DMD: variants seen among roughly 807,000 people sequenced by gnomAD.
DMD encodes dystrophin.
DMD carries 63 observed loss-of-function variants against 330.1 expected under a neutral mutation model. The ratio of observed to expected loss-of-function variants is 0.19; its 90% confidence interval spans 0.16 to 0.24. The LOEUF is 0.24. Ranked by LOEUF, DMD falls within the 10% of genes least tolerant of loss-of-function variation. DMD has a pLI of 1.00. For missense variants in DMD, 3,344 were observed against 2,684.1 expected, an observed-to-expected ratio of 1.25 and a Z score of -5.43; for synonymous variants, 1,223 against 959.8, an observed-to-expected ratio of 1.27 and a Z score of -5.07.
intron 52 of DMD, among the ~76,000 whole-genome samples, chrX:31,687,722 GC>G (rs2082783117): frequency 2.7e-5 from 3 of 112,059 alleles, no homozygotes; most frequent in African/African-American, 6.5e-5. Flanking sequence ...TATGCCCGGG[GC>G]CTAAGATTTC....
intron 50 of DMD, among the ~76,000 whole-genome samples, chrX:31,810,364 G>A (rs767940045): frequency 8.1e-5 from 9 of 111,643 alleles, no homozygotes; most frequent in Non-Finnish European, 1.7e-4. Context: ...AAAGTGGGAA[G>A]GAGATTAAAT....
chrX:32,493,867 G>A (rs776056743), intron 19 of DMD, among the ~76,000 whole-genome samples: 16 of 111,098 alleles, frequency 1.4e-4, no homozygotes, highest in African/African-American at 5.2e-4. Flanking sequence ...AGTCCATGAA[G>A]GGTGAAACGT....
chrX:32,773,889 C>T (rs771219678), intron 7 of DMD, among the ~76,000 whole-genome samples: 1 of 111,686 alleles, frequency 9.0e-6, no homozygotes, highest in South Asian at 3.7e-4. Flanking sequence ...TTTATTTATA[C>T]TTTAATTCCA....
At chrX:32,291,351 CTG>C (rs2097467283) in intron 42 of DMD, among the ~76,000 whole-genome samples, 2 of 112,215 alleles carry the variant, frequency 1.8e-5, no homozygotes, top group Admixed American at 1.9e-4. Context: ...CTGAAACAAA[CTG>C]ATATATTATT....
intron 76 of DMD, among the ~76,000 whole-genome samples, chrX:31,141,129 T>C (rs186865024): frequency 1.8e-5 from 2 of 108,540 alleles, no homozygotes; most frequent in Admixed American, 2.0e-4. Flanking sequence ...GAGGTGGAGG[T>C]TGCAATGAGC....
intron 1 of DMD, among the ~76,000 whole-genome samples, chrX:33,070,639 ATCTC>A (rs1291687487): frequency 1.6e-3 from 34 of 21,402 alleles, no homozygotes; most frequent in African/African-American, 2.7e-3. Context: ...GTATCTATCC[ATCTC>A]TCTCTCTCTC....
At chrX:31,204,401 A>C (rs780230446) in intron 66 of DMD, among the ~76,000 whole-genome samples, 3 of 112,932 alleles carry the variant, frequency 2.7e-5, no homozygotes, top group Non-Finnish European at 5.6e-5. Flanking sequence ...CTTCTAAGCC[A>C]GAACATAATC....
At chrX:32,203,376 T>C (rs1466291) in intron 44 of DMD, among the ~76,000 whole-genome samples, 13,142 of 112,013 alleles carry the variant, frequency 0.12, 782 homozygotes, top group Middle Eastern at 0.19. Context: ...GCACAAGTAG[T>C]ATTGTTTTCC....
intron 7 of DMD, among the ~76,000 whole-genome samples, chrX:32,800,499 T>G (rs2076475503): frequency 8.9e-6 from 1 of 112,097 alleles, no homozygotes; most frequent in South Asian, 3.7e-4. Context: ...TGACATATTT[T>G]AAAAATATAT....
At chrX:32,259,235 A>G (rs2097311716) in intron 43 of DMD, among the ~76,000 whole-genome samples, 1 of 110,212 alleles carries the variant, frequency 9.1e-6, no homozygotes, top group Non-Finnish European at 1.9e-5. Flanking sequence ...TTAAAATTAT[A>G]CCTACTCAAA....
intron 17 of DMD, among the ~76,000 whole-genome samples, chrX:32,541,782 G>C (rs751135357): frequency 1.7e-4 from 16 of 96,414 alleles, no homozygotes; most frequent in Admixed American, 9.6e-4. Context: ...AAACCTACAC[G>C]TTAACCCCTT....
chrX:31,710,293 G>A (rs1485892296), intron 52 of DMD, among the ~76,000 whole-genome samples: 1 of 111,735 alleles, frequency 8.9e-6, no homozygotes, highest in Admixed American at 9.5e-5. Flanking sequence ...ACAGATAATA[G>A]GAGAGTGAAG....
chrX:32,851,756 C>T (rs5971666), intron 2 of DMD, among the ~76,000 whole-genome samples: 9 of 111,460 alleles, frequency 8.1e-5, no homozygotes, highest in Admixed American at 2.8e-4. Context: ...GGAGGGAGGG[C>T]GCAGGATTGT....
chrX:31,167,379 G>A (rs1437525271), intron 74 of DMD, among the ~76,000 whole-genome samples: 1 of 111,658 alleles, frequency 9.0e-6, no homozygotes, highest in Non-Finnish European at 1.9e-5. Flanking sequence ...ATAAATGATA[G>A]TTATCAGTAC....
At chrX:32,509,804 G>C (rs758381115) in intron 18 of DMD, among the ~76,000 whole-genome samples, 3 of 111,660 alleles carry the variant, frequency 2.7e-5, no homozygotes, top group South Asian at 3.8e-4. Context: ...TCATGTCCCT[G>C]AGCTCGCACT....
intron 67 of DMD, among the ~76,000 whole-genome samples, chrX:31,199,960 G>T (rs1402036086): frequency 1.8e-5 from 2 of 111,709 alleles, no homozygotes; most frequent in African/African-American, 6.5e-5. Context: ...TATGCACGTG[G>T]CACAATGAAA....
At chrX:32,229,489 A>T (rs1209645017) in intron 43 of DMD, among the ~76,000 whole-genome samples, 1 of 104,895 alleles carries the variant, frequency 9.5e-6, no homozygotes, top group Non-Finnish European at 2.0e-5. Flanking sequence ...AAATTTTTCT[A>T]TACCTTCCTC....
chrX:33,126,958 A>G (rs934054046), intron 1 of DMD, among the ~76,000 whole-genome samples: 3 of 111,949 alleles, frequency 2.7e-5, no homozygotes, highest in Non-Finnish European at 3.8e-5. Flanking sequence ...ATTTATAAAG[A>G]GATTAGTAAA....
At chrX:31,246,884 C>A (rs2048876594) in intron 63 of DMD, among the ~76,000 whole-genome samples, 1 of 109,625 alleles carries the variant, frequency 9.1e-6, no homozygotes, top group Admixed American at 9.7e-5. Flanking sequence ...CAAGATCGTA[C>A]CACTGCACTC....
Sources: gnomAD v4.1 joint callset for allele counts (sites outside exome capture counted in the v4.1 genomes callset) on GRCh38, gnomAD v4.1.1 for gene constraint, MANE v1.5 for transcripts, NCBI Gene and HGNC (gene_info 2026-07-23, HGNC 2026-07-21) for gene names.